The following NRG1 variants were observed in gnomAD, a reference collection of about 807,000 sequenced individuals.
The protein encoded by NRG1 is pro-neuregulin-1, membrane-bound isoform.
In NRG1, 18 loss-of-function variants were observed where a neutral mutation model predicts 63.8. The observed-to-expected ratio is 0.28, with a 90% CI of 0.19 to 0.42. NRG1 has a LOEUF of 0.42. NRG1 is among the 10% of genes least tolerant of loss of function. The probability of loss-of-function intolerance (pLI) is 1.00; values close to 1 mark genes in which losing one functional copy is unlikely to be tolerated. For missense variants in NRG1, 762 were observed against 814.7 expected (o/e 0.94, Z 0.79); for synonymous variants, 302 against 301.3 (o/e 1.00, Z -0.02).
At chr8:32,707,182 A>C (rs1816649045) in intron 5 of NRG1, among the ~76,000 whole-genome samples, 2 of 152,078 alleles carry the variant, frequency 1.3e-5, no homozygotes, top group Admixed American at 1.3e-4. Flanking sequence ...AAATTATTAG[A>C]TATAGCAGAC....
chr8:31,726,649 G>C (rs574373498), intron 1 of NRG1, among the ~76,000 whole-genome samples: 1 of 152,186 alleles, frequency 6.6e-6, no homozygotes, highest in Non-Finnish European at 1.5e-5. Context: ...AATACCAGTG[G>C]GGGAGTGAAA....
chr8:32,501,849 C>T (rs1457012544), intron 1 of NRG1, among the ~76,000 whole-genome samples: 1 of 152,126 alleles, frequency 6.6e-6, no homozygotes, highest in African/African-American at 2.4e-5. Flanking sequence ...ATAGACTACT[C>T]GGTATAGTGG....
intron 1 of NRG1, among the ~76,000 whole-genome samples, chr8:31,843,706 C>G (rs1173948986): frequency 6.6e-6 from 1 of 152,098 alleles, no homozygotes; most frequent in Non-Finnish European, 1.5e-5. Flanking sequence ...AATACGAATC[C>G]CCAGTCACTC....
At chr8:31,901,935 C>T (rs999405758) in intron 1 of NRG1, among the ~76,000 whole-genome samples, 2 of 152,300 alleles carry the variant, frequency 1.3e-5, no homozygotes, top group South Asian at 4.1e-4. Context: ...GTTTCCCACT[C>T]CATGAAACGG....
chr8:32,576,184 TA>T (rs1839601131), intron 1 of NRG1, among the ~76,000 whole-genome samples: 1 of 152,214 alleles, frequency 6.6e-6, no homozygotes, highest in Admixed American at 6.5e-5. Context: ...GTAATTATTT[TA>T]AATCAGTTGT....
At chr8:32,326,307 CTTT>C (rs745434807) in intron 1 of NRG1, among the ~76,000 whole-genome samples, 12 of 101,402 alleles carry the variant, frequency 1.2e-4, no homozygotes, top group African/African-American at 1.6e-4. Context: ...TGTGCCCAGG[CTTT>C]TTTTTTTTTT....
At chr8:31,923,513 A>C (rs1834083970) in intron 1 of NRG1, among the ~76,000 whole-genome samples, 1 of 152,088 alleles carries the variant, frequency 6.6e-6, no homozygotes. Context: ...CTTGGAAGAG[A>C]TTGTGTATGA....
intron 5 of NRG1, among the ~76,000 whole-genome samples, chr8:32,648,586 A>G (rs529069316): frequency 1.7e-4 from 26 of 152,288 alleles, no homozygotes; most frequent in African/African-American, 6.3e-4. Context: ...CAGTGTTGTA[A>G]CAGCAGCTCT....
chr8:32,368,319 A>G (rs1168520443), intron 1 of NRG1, among the ~76,000 whole-genome samples: 1 of 152,086 alleles, frequency 6.6e-6, no homozygotes, highest in Non-Finnish European at 1.5e-5. Context: ...CTGTAATCCC[A>G]TTGTTTTGGA....
chr8:31,794,150 CA>C (rs1820975886), intron 1 of NRG1, among the ~76,000 whole-genome samples: 1 of 152,104 alleles, frequency 6.6e-6, no homozygotes, highest in Admixed American at 6.6e-5. Context: ...TACTTTCTCT[CA>C]GAGGTATTTT....
intron 1 of NRG1, among the ~76,000 whole-genome samples, chr8:32,127,568 C>CA (rs925906307): frequency 3.3e-5 from 4 of 122,046 alleles, no homozygotes; most frequent in East Asian, 2.2e-4. Flanking sequence ...TTTAGAAATT[C>CA]AAAAAAAATG....
At chr8:32,414,149 A>G (rs1815520715) in intron 1 of NRG1, among the ~76,000 whole-genome samples, 1 of 152,086 alleles carries the variant, frequency 6.6e-6, no homozygotes, top group Non-Finnish European at 1.5e-5. Context: ...TCTGGTCATC[A>G]CTGTCTTTAG....
intron 1 of NRG1, among the ~76,000 whole-genome samples, chr8:32,575,377 C>T (rs938318590): frequency 1.3e-5 from 2 of 150,522 alleles, no homozygotes; most frequent in African/African-American, 2.4e-5. Context: ...ACTAGTTCAT[C>T]GGCTCTGCTT....
intron 1 of NRG1, among the ~76,000 whole-genome samples, chr8:32,594,198 A>G (rs973307443): frequency 4.6e-5 from 7 of 152,192 alleles, no homozygotes; most frequent in Admixed American, 2.6e-4. Flanking sequence ...GTTCATGGTT[A>G]GGTGATCCTG....
chr8:32,486,106 A>T (rs1158945570), intron 1 of NRG1, among the ~76,000 whole-genome samples: 2 of 151,612 alleles, frequency 1.3e-5, no homozygotes, highest in African/African-American at 4.8e-5. Flanking sequence ...CTAATTTTTT[A>T]TATTTTTAGT....
intron 1 of NRG1, among the ~76,000 whole-genome samples, chr8:32,218,398 C>T (rs1468514128): frequency 2.6e-5 from 4 of 152,208 alleles, no homozygotes; most frequent in South Asian, 2.1e-4. Flanking sequence ...TCTCCTACCA[C>T]GTGGCATCAC....
At chr8:32,171,163 T>C (rs1038216525) in intron 1 of NRG1, among the ~76,000 whole-genome samples, 7 of 152,220 alleles carry the variant, frequency 4.6e-5, no homozygotes, top group Non-Finnish European at 8.8e-5. Context: ...TTTTGCTTTT[T>C]AGGAAGAAAA....
chr8:31,756,552 C>T lies in NRG1; in HGVS notation c.37+117121C>T, dbSNP rs1396735077. ...ATGTGTGGGAAAGGGTAGTAAACTC[C>T]TCCTCCACAACTGTGCCTCCTTCCA... On this transcript the variant is annotated intron_variant, in intron 1 of 10. Transcript: ENST00000519301. 2.0e-5 allele frequency among the ~76,000 whole-genome samples: 3 copies of T among 152,090 alleles called. No homozygotes were observed. In the East Asian group the frequency reaches 5.8e-4, roughly 29 times the overall value.
chr8:31,855,159 G>T (rs892337462), intron 1 of NRG1, among the ~76,000 whole-genome samples: 7 of 151,952 alleles, frequency 4.6e-5, no homozygotes, highest in African/African-American at 2.4e-5. Context: ...TCAATTCCTG[G>T]GTATCCTTGT....
Sources: allele counts gnomAD v4.1 joint callset (sites outside exome capture counted in the v4.1 genomes callset), GRCh38; gene constraint gnomAD v4.1.1; transcripts MANE v1.5; gene names NCBI Gene and HGNC (gene_info 2026-07-23, HGNC 2026-07-21).